EXOC2: variants seen among roughly 807,000 people sequenced by gnomAD.
The protein encoded by EXOC2 is SEC5-like 1.
In EXOC2, 70 loss-of-function variants were observed where a neutral mutation model predicts 131.8. The ratio of observed to expected loss-of-function variants is 0.53; its 90% CI spans 0.44 to 0.65. EXOC2 has a LOEUF of 0.65. Among genes scored for constraint, EXOC2 ranks in the 30% least tolerant of loss-of-function variants. EXOC2 has a pLI of 0.00. For missense variants in EXOC2, 923 were observed against 1,108.6 expected, an observed-to-expected ratio of 0.83 and a Z score of 2.38; for synonymous variants, 411 against 398.4, an observed-to-expected ratio of 1.03 and a Z score of -0.38.
At chr6:692,522 G>A (rs181209546) in intron 1 of EXOC2, among the ~76,000 whole-genome samples, 2 of 152,368 alleles carry the variant, frequency 1.3e-5, no homozygotes, top group Non-Finnish European at 2.9e-5. Context: ...CCCGCGCGAG[G>A]ATCAAGTACG....
intron 1 of EXOC2, among the ~76,000 whole-genome samples, chr6:658,807 G>A (rs978930503): frequency 1.7e-4 from 25 of 151,040 alleles, no homozygotes; most frequent in Admixed American, 5.3e-4. Flanking sequence ...GATTACAGGC[G>A]CCTGCCACCA....
intron 12 of EXOC2, among the ~76,000 whole-genome samples, chr6:573,180 A>G (rs1758382084): frequency 6.6e-6 from 1 of 152,252 alleles, no homozygotes; most frequent in Admixed American, 6.5e-5. Flanking sequence ...CACCTAAAAT[A>G]AAGAAATTTA....
At chr6:564,963 A>G in intron 13 of EXOC2, 34 bp from the exon 14 acceptor site, 1 of 1,519,820 alleles carries the variant, frequency 6.6e-7, no homozygotes, top group East Asian at 2.5e-5. Flanking sequence ...AAAACATATT[A>G]GAAATAATTT....
chr6:490,285 A>G lies in EXOC2; in HGVS notation c.2621+840T>C, dbSNP rs73378913. ...AAAACTAAGTCAGCAGGAAGAGGGT[A>G]GGCATTTGCATGAAGTGTGCACACA... On this transcript the variant is annotated intron_variant, in intron 26 of 27. Coordinates refer to ENST00000230449, the MANE Select transcript of EXOC2 (RefSeq NM_018303.6). Among the ~76,000 whole-genome samples the G allele has an allele frequency of 5.5e-3, 838 of 152,352 alleles. 12 individuals carry two copies. The highest frequency in any genetic ancestry group is 0.019 in the African/African-American group (797 of 41,582).
chr6:622,928 C>A (rs182748901), intron 4 of EXOC2, among the ~76,000 whole-genome samples: 1 of 152,166 alleles, frequency 6.6e-6, no homozygotes, highest in Non-Finnish European at 1.5e-5. Context: ...TCAGTTATAT[C>A]ATAACATAAA....
At chr6:491,035 T>G in intron 26 of EXOC2, 90 bp downstream of exon 26, 1 of 1,321,756 alleles carries the variant, frequency 7.6e-7, no homozygotes, top group Non-Finnish European at 1.1e-6. Context: ...GCATGTGCTC[T>G]GATCAGTCAT....
In EXOC2 at chr6:604,193, T is replaced by G. The variant is rs986013038; in HGVS notation, c.743-4968A>C. Among the ~76,000 whole-genome samples, 4 of 152,332 alleles carry G rather than the reference T, an allele frequency of 2.6e-5. 1 individual carries two copies. Among genetic ancestry groups the G allele is most frequent in the Non-Finnish European group, 5.9e-5 (4 of 68,026 alleles). ...ATTCAACATGTTGAACTGAATGTTC[T>G]CATCTCTATGCCTCTCCTTATGCGC... is the stretch of plus-strand genomic sequence containing the variant. On this transcript the variant is annotated intron_variant, in intron 7 of 27. Transcript: ENST00000230449.
intron 23 of EXOC2, among the ~76,000 whole-genome samples, chr6:500,725 T>A (rs1237456815): frequency 6.6e-6 from 1 of 152,128 alleles, no homozygotes; most frequent in Admixed American, 6.5e-5. Context: ...CTGCACACAC[T>A]GAGAACATCT....
rs1425398952 is a variant in EXOC2 at position 564,913 on chromosome 6, C to G, written c.1460G>C (p.Gly487Ala). The G allele has an allele frequency of 1.9e-6, 3 of 1,610,380 alleles. No individual in the cohort carries two copies. Among genetic ancestry groups the G allele is most frequent in the Non-Finnish European group, 2.5e-6 (3 of 1,178,806 alleles). The change falls in exon 14 of 28, where the codon GGC becomes GCC. Residue 487 changes from glycine (G) to alanine (A), a missense_variant. Coordinates refer to ENST00000230449, the MANE Select transcript of EXOC2 (RefSeq NM_018303.6). ...SLFSETAEKS[G>A]QIERSKNVRQ... ...TACATTCTTTGATCTTTCAATCTGGCCTGACTTCTCAGCAGTCTTAAAAAT... is the reference window on the plus strand; with the variant it reads ...TACATTCTTTGATCTTTCAATCTGGGCTGACTTCTCAGCAGTCTTAAAAAT...
Position 572,557 on chromosome 6 carries a change from A to G in EXOC2, c.1406T>C (p.Leu469Pro), listed in dbSNP as rs1758343456. The G allele has an allele frequency of 6.2e-7, 1 of 1,614,076 alleles. No individual in the cohort carries two copies. ...GCTTCCATTAACGTAGGAGATCCAG[A>G]GTTTCCAGAAGTTAGGCAGCTGGCT... Reference protein sequence around the residue: ...VLSQLPNFWKLWISYVNGSLF... With the variant: ...VLSQLPNFWKPWISYVNGSLF... The change falls in exon 13 of 28, where the codon CTC becomes CCC. Residue 469 changes from leucine to proline, a missense_variant. Coordinates refer to ENST00000230449, the MANE Select transcript of EXOC2 (RefSeq NM_018303.6).
intron 23 of EXOC2, among the ~76,000 whole-genome samples, chr6:513,624 T>G (rs1343146327): frequency 6.6e-6 from 1 of 152,216 alleles, no homozygotes; most frequent in African/African-American, 2.4e-5. Context: ...TCCCTATTAC[T>G]GTAATCATAG....
At chr6:611,164 C>T (rs1049020962) in intron 6 of EXOC2, among the ~76,000 whole-genome samples, 7 of 152,012 alleles carry the variant, frequency 4.6e-5, no homozygotes, top group Admixed American at 3.9e-4. Flanking sequence ...GAACTTCCTT[C>T]CCTCTCTGTA....
intron 23 of EXOC2, among the ~76,000 whole-genome samples, chr6:523,350 G>A (rs527275205): frequency 9.2e-5 from 14 of 152,330 alleles, no homozygotes; most frequent in Admixed American, 4.6e-4. Flanking sequence ...CACCTCCTAC[G>A]CACAGAACTG....
chr6:618,211 A>C (rs1410763441), intron 5 of EXOC2, among the ~76,000 whole-genome samples: 4 of 152,244 alleles, frequency 2.6e-5, no homozygotes, highest in Non-Finnish European at 4.4e-5. Context: ...CCAGTGATAG[A>C]CAACATTTCA....
At chr6:556,207 C>G (rs537847626) in intron 18 of EXOC2, among the ~76,000 whole-genome samples, 194 bp from the exon 19 acceptor site, 1 of 152,112 alleles carries the variant, frequency 6.6e-6, no homozygotes, top group Non-Finnish European at 1.5e-5. Flanking sequence ...GAGAAGACAA[C>G]GCAGTCCTGG....
rs1179174995 is a variant in EXOC2, at chr6:599,035, T to TA, written c.888+44dup. ...AACATCTTAAAAAATCTTAAAAATG[T>TA]ATGACATCTACAACCATATGTAAAT... is the stretch of plus-strand genomic sequence containing the variant. On this transcript the variant is annotated intron_variant, in intron 8 of 27. Transcript: ENST00000230449. 4 of 1,569,958 alleles carry TA rather than the reference T, an allele frequency of 2.5e-6. No individual in the cohort carries two copies. In the African/African-American group the frequency reaches 5.5e-5, roughly 22 times the overall value.
chr6:558,169 A>G (rs1463243263), intron 17 of EXOC2, among the ~76,000 whole-genome samples: 3 of 152,218 alleles, frequency 2.0e-5, no homozygotes, highest in Non-Finnish European at 4.4e-5. Context: ...ATCTATATAC[A>G]TCTTTTAAAA....
rs138864432 is a variant in EXOC2, at chr6:656,410, C to T, written c.-43-18549G>A. 172 of 1,613,972 alleles carry T rather than the reference C, an allele frequency of 1.1e-4. No homozygotes were observed. The highest frequency in any genetic ancestry group is 1.4e-4 in the Non-Finnish European group (166 of 1,179,972). ...CCACTGAGGTTTGCTTCCACCAGCA[C>T]GTGACTGCCCACGTTCGCCATCCTC... On this transcript the variant is annotated intron_variant, in intron 1 of 27. Coordinates refer to ENST00000230449, the MANE Select transcript of EXOC2 (RefSeq NM_018303.6).
intron 10 of EXOC2, among the ~76,000 whole-genome samples, chr6:596,077 G>C (rs759349828): frequency 1.3e-5 from 2 of 152,154 alleles, no homozygotes; most frequent in Non-Finnish European, 2.9e-5. Context: ...CCGCACAAGC[G>C]TCCTTTCATG....
Sources: allele counts gnomAD v4.1 joint callset (sites outside exome capture counted in the v4.1 genomes callset), GRCh38; gene constraint gnomAD v4.1.1; transcripts MANE v1.5; gene names NCBI Gene and HGNC (gene_info 2026-07-23, HGNC 2026-07-21).